The following SAMD4A variants were observed in gnomAD, a reference collection of about 807,000 sequenced individuals.
The protein encoded by SAMD4A is sterile alpha motif domain containing 4A, also known as protein Smaug homolog 1.
Under a neutral mutation model 81.3 loss-of-function variants are expected in SAMD4A, and 33 were observed. The ratio of observed to expected loss-of-function variants is 0.41; its 90% CI spans 0.31 to 0.54. The LOEUF is 0.54. Ranked by LOEUF, SAMD4A falls within the 20% of genes least tolerant of loss-of-function variation. The pLI is 0.37. For synonymous variants in SAMD4A, 389 were observed against 382.1 expected, an observed-to-expected ratio of 1.02 and a Z score of -0.21; for missense variants, 854 against 951.1, an observed-to-expected ratio of 0.90 and a Z score of 1.34.
chr14:54,565,490 C>G (rs959207928), upstream of SAMD4A, among the ~76,000 whole-genome samples: 3 of 152,216 alleles, frequency 2.0e-5, no homozygotes, highest in African/African-American at 4.8e-5. This position sits in a 1 kb window ranked among gnomAD's most constrained non-coding sequence, Gnocchi z 5.4. Flanking sequence ...TAGGGCGGCA[C>G]GGAACCTAGC....
chr14:54,633,300 C>T (rs1305482922), intron 2 of SAMD4A, among the ~76,000 whole-genome samples: 2 of 152,148 alleles, frequency 1.3e-5, no homozygotes, highest in East Asian at 3.9e-4. Flanking sequence ...GCAGAAATGG[C>T]CCTGCTGTGT....
chr14:54,567,265 G>C lies in SAMD4A; in HGVS notation c.-495G>C, dbSNP rs1473429751. The C allele has an allele frequency of 2.0e-5, 3 of 152,268 alleles. No homozygotes were observed. The highest frequency in any genetic ancestry group is 4.4e-5 in the Non-Finnish European group (3 of 68,082). The allele number at this position is 152,268 out of a possible 1,614,324, so 9.4% of individuals were successfully genotyped here. A position where few individuals can be genotyped will look rare whatever the true frequency, so the allele number is the denominator to read the frequency against. On this transcript the variant is annotated 5_prime_UTR_variant, in exon 1 of 13. Transcript: ENST00000554335. ...GGCAGCGGCAGCAACAGGAAGCCGCGGGGTCTCCTCCCGCACCTGGGAAGC... is the reference window on the plus strand; with the variant it reads ...GGCAGCGGCAGCAACAGGAAGCCGCCGGGTCTCCTCCCGCACCTGGGAAGC...
intron 2 of SAMD4A, among the ~76,000 whole-genome samples, chr14:54,644,450 G>A (rs80018310): frequency 0.029 from 4,373 of 152,252 alleles, 66 homozygotes; most frequent in Middle Eastern, 0.082. Context: ...ACAGAAATTC[G>A]TTCATTTCAC....
At chr14:54,583,274 T>C (rs2033525263) in intron 2 of SAMD4A, among the ~76,000 whole-genome samples, 1 of 152,196 alleles carries the variant, frequency 6.6e-6, no homozygotes, top group Non-Finnish European at 1.5e-5. Flanking sequence ...GAACTGCGAA[T>C]GGGGCATACT....
chr14:54,737,464 T>TC (rs2037725140), intron 4 of SAMD4A, among the ~76,000 whole-genome samples, 177 bp downstream of exon 4: 1 of 151,050 alleles, frequency 6.6e-6, no homozygotes, highest in Non-Finnish European at 1.5e-5. Flanking sequence ...GGGCTCAGAT[T>TC]CCCCTTCCAG....
At chr14:54,762,714 C>T (rs2038433189) in intron 7 of SAMD4A, among the ~76,000 whole-genome samples, 1 of 152,158 alleles carries the variant, frequency 6.6e-6, no homozygotes. Context: ...ATACACAATT[C>T]AAATTAACAA....
intron 11 of SAMD4A, among the ~76,000 whole-genome samples, chr14:54,780,246 G>A (rs950576663): frequency 6.6e-6 from 1 of 152,182 alleles, no homozygotes; most frequent in African/African-American, 2.4e-5. Context: ...GAACCAGCTG[G>A]ATGTGAGCTG....
At chr14:54,772,662 A>G (rs1020634021) in intron 9 of SAMD4A, among the ~76,000 whole-genome samples, 9 of 152,232 alleles carry the variant, frequency 5.9e-5, no homozygotes, top group Non-Finnish European at 4.4e-5. Context: ...TGTATTTTGC[A>G]TATGAAATAA....
chr14:54,582,112 A>C (rs2033485410), intron 2 of SAMD4A, among the ~76,000 whole-genome samples: 1 of 152,190 alleles, frequency 6.6e-6, no homozygotes, highest in Admixed American at 6.5e-5. Context: ...TCTGAGCTAT[A>C]ATGTCAAACT....
At chr14:54,571,844 T>G (rs2033138304) in intron 2 of SAMD4A, among the ~76,000 whole-genome samples, 1 of 152,210 alleles carries the variant, frequency 6.6e-6, no homozygotes. Context: ...GCTGTCACCC[T>G]CACCCCATAT....
At chr14:54,625,912 T>G (rs914403030) in intron 2 of SAMD4A, among the ~76,000 whole-genome samples, 1 of 147,540 alleles carries the variant, frequency 6.8e-6, no homozygotes, top group Non-Finnish European at 1.5e-5. Flanking sequence ...CTTCAAACTT[T>G]TAGTTGTTTC....
In SAMD4A at chr14:54,567,921, T is replaced by C. The variant is rs777070945; in HGVS notation, c.5T>C (p.Met2Thr). The change falls in exon 2 of 13, where the codon ATG becomes ACG. Residue 2 changes from methionine (M) to threonine (T), a missense_variant. Physicochemically the swap from Met to Thr is moderately conservative, Grantham distance 81. Transcript: ENST00000554335. ...ACCGAGGGCGGCCCCCTAACCATGA[T>C]GTTTCGCGACCAGGTCGGGGTGCTG... M[M>T]FRDQVGVLAG... 1.2e-6 allele frequency: 2 copies of C among 1,607,074 alleles called. No individual in the cohort carries two copies. The highest frequency in any genetic ancestry group is 1.7e-6 in the Non-Finnish European group (2 of 1,178,890).
intron 2 of SAMD4A, among the ~76,000 whole-genome samples, chr14:54,680,162 C>T (rs2036096556): frequency 6.6e-6 from 1 of 152,200 alleles, no homozygotes. Flanking sequence ...TTTCTTTATA[C>T]AGAAATCTTT....
chr14:54,770,009 G>A (rs1230724052), intron 8 of SAMD4A, 95 bp from the exon 9 acceptor site: 1 of 784,880 alleles, frequency 1.3e-6, no homozygotes, highest in East Asian at 2.5e-5. Flanking sequence ...AAAGGCAACT[G>A]CAGAGACTCC....
At chr14:54,707,951 G>T (rs1269232212) in intron 3 of SAMD4A, among the ~76,000 whole-genome samples, 5 of 152,220 alleles carry the variant, frequency 3.3e-5, no homozygotes, top group Admixed American at 1.3e-4. Flanking sequence ...GTCATTGCAA[G>T]GACTTGGACT....
chr14:54,737,431 C>A, intron 4 of SAMD4A, 144 bp downstream of exon 4: 4 of 976,776 alleles, frequency 4.1e-6, no homozygotes, highest in South Asian at 3.6e-5. Context: ...CCTTCCAGAA[C>A]TCCAGGTTGA....
intron 6 of SAMD4A, among the ~76,000 whole-genome samples, chr14:54,759,436 C>G (rs1790329845): frequency 6.6e-6 from 1 of 152,196 alleles, no homozygotes; most frequent in African/African-American, 2.4e-5. Context: ...CATGCCCACG[C>G]TCATTTGGGT....
intron 2 of SAMD4A, among the ~76,000 whole-genome samples, chr14:54,592,627 T>C (rs779731436): frequency 6.6e-6 from 1 of 152,092 alleles, no homozygotes; most frequent in Non-Finnish European, 1.5e-5. Flanking sequence ...GCCTGGCTAA[T>C]TTTTTGTATT....
At chr14:54,660,132 G>A (rs8022597) in intron 2 of SAMD4A, among the ~76,000 whole-genome samples, 2 of 151,854 alleles carry the variant, frequency 1.3e-5, no homozygotes, top group East Asian at 3.9e-4. Flanking sequence ...TGTTTCAGGG[G>A]TTTGGTGTAT....
Sources: gnomAD v4.1 joint callset for allele counts (sites outside exome capture counted in the v4.1 genomes callset) on GRCh38, gnomAD v4.1.1 for gene constraint, Gnocchi (gnomAD v3.1) non-coding constraint, MANE v1.5 for transcripts, NCBI Gene and HGNC (gene_info 2026-07-23, HGNC 2026-07-21) for gene names.